The following EMSY variants were observed in gnomAD, a reference collection of about 807,000 sequenced individuals.
EMSY encodes the protein BRCA2-interacting transcriptional repressor EMSY.
EMSY carries 26 observed loss-of-function variants against 134.6 expected under a neutral mutation model. The observed-to-expected ratio is 0.19, with a 90% CI of 0.14 to 0.27. The LOEUF (loss-of-function observed/expected upper bound fraction) is 0.27, where lower values mean the gene tolerates loss of function less well. EMSY is among the 10% of genes least tolerant of loss of function. The pLI is 1.00. For missense variants in EMSY, 1,305 were observed against 1,611.4 expected (o/e 0.81, Z 3.26); for synonymous variants, 579 against 577.8 (o/e 1.00, Z -0.03).
chr11:76,545,872 A>G (rs1951627857), exon 20 of EMSY: 1 of 1,614,214 alleles, frequency 6.2e-7, no homozygotes, highest in Non-Finnish European at 8.5e-7. Flanking sequence ...TCCCACAGTT[A>G]CAAAGATAAC....
intron 14 of EMSY, among the ~76,000 whole-genome samples, chr11:76,530,791 G>A (rs1202501704): frequency 6.6e-6 from 1 of 152,176 alleles, no homozygotes; most frequent in Non-Finnish European, 1.5e-5. Context: ...GGATTAAGAT[G>A]TTGGTTGGTC....
chr11:76,485,801 T>C (rs1218090496), intron 8 of EMSY, among the ~76,000 whole-genome samples: 1 of 152,158 alleles, frequency 6.6e-6, no homozygotes, highest in East Asian at 1.9e-4. Flanking sequence ...ACACTGTTGG[T>C]GGGAGTATAA....
At chr11:76,525,939 T>C (rs1010860639) in intron 12 of EMSY, among the ~76,000 whole-genome samples, 2 of 152,198 alleles carry the variant, frequency 1.3e-5, no homozygotes, top group African/African-American at 4.8e-5. Flanking sequence ...GACATTCTAC[T>C]ATATATCCTT....
upstream of EMSY, chr11:76,445,019 T>G (rs548951974): frequency 6.5e-6 from 1 of 153,100 alleles, no homozygotes; most frequent in East Asian, 1.9e-4. Flanking sequence ...CTGCGCCCTG[T>G]TACCTGTCGC....
chr11:76,526,337 A>G, intron 12 of EMSY, 125 bp from the exon 14 acceptor site: 2 of 597,832 alleles, frequency 3.3e-6, no homozygotes, highest in Non-Finnish European at 5.2e-6. Context: ...GAAACATTAT[A>G]CTTTGTTACA....
At chr11:76,514,452 A>T (rs1471311825) in intron 10 of EMSY, among the ~76,000 whole-genome samples, 1 of 152,154 alleles carries the variant, frequency 6.6e-6, no homozygotes, top group Non-Finnish European at 1.5e-5. Context: ...CATTACAGAC[A>T]TTGCACTTCA....
chr11:76,453,234 A>C, intron 3 of EMSY, 80 bp from the exon 4 acceptor site: 4 of 1,332,454 alleles, frequency 3.0e-6, no homozygotes, highest in Non-Finnish European at 4.2e-6. Flanking sequence ...CCCCCCAAAA[A>C]TGTTGACTTA....
intron 18 of EMSY, 58 bp downstream of exon 19, chr11:76,542,425 T>G: frequency 6.4e-7 from 1 of 1,555,776 alleles, no homozygotes; most frequent in Non-Finnish European, 8.9e-7. Context: ...GAAATAAGAT[T>G]CAGTGTCATC....
intron 3 of EMSY, 125 bp downstream of exon 3, chr11:76,452,082 G>T: frequency 1.8e-6 from 1 of 543,092 alleles, no homozygotes. Flanking sequence ...AATTGTTGGT[G>T]CTAAGAGACT....
intron 2 of EMSY, among the ~76,000 whole-genome samples, chr11:76,448,422 A>C (rs1173164184): frequency 6.6e-6 from 1 of 152,114 alleles, no homozygotes; most frequent in Non-Finnish European, 1.5e-5. Flanking sequence ...GCCGATTATA[A>C]AGTTGGACTC....
At chr11:76,498,989 T>C (rs975121042) in intron 9 of EMSY, among the ~76,000 whole-genome samples, 40 of 152,232 alleles carry the variant, frequency 2.6e-4, no homozygotes, top group Admixed American at 2.4e-3. Context: ...TGAGACGGAG[T>C]CTCGCTTTGT....
intron 11 of EMSY, among the ~76,000 whole-genome samples, chr11:76,518,684 C>CAT (rs796392038): frequency 0.013 from 1,598 of 121,606 alleles, 26 homozygotes; most frequent in African/African-American, 0.036. Context: ...TGTGTGCGCG[C>CAT]ATATATATAT....
chr11:76,515,260 T>G (rs1950412101), intron 10 of EMSY, among the ~76,000 whole-genome samples: 1 of 151,954 alleles, frequency 6.6e-6, no homozygotes, highest in African/African-American at 2.4e-5. Context: ...GTCCGTGAAT[T>G]TGATTATCAT....
At chr11:76,459,876 G>T in intron 5 of EMSY, 57 bp from the exon 7 acceptor site, 1 of 1,577,646 alleles carries the variant, frequency 6.3e-7, no homozygotes, top group Non-Finnish European at 8.6e-7. Context: ...TAATTTTTTT[G>T]TATGCCTGGA....
intron 6 of EMSY, 41 bp downstream of exon 7, chr11:76,460,126 A>G: frequency 6.2e-7 from 1 of 1,605,292 alleles, no homozygotes; most frequent in Non-Finnish European, 8.5e-7. Context: ...TTCTTGGCTA[A>G]ATGCTGCAGT....
intron 12 of EMSY, among the ~76,000 whole-genome samples, chr11:76,525,870 A>C (rs910093953): frequency 6.6e-6 from 1 of 152,074 alleles, no homozygotes; most frequent in Non-Finnish European, 1.5e-5. Context: ...TCCTATATAT[A>C]ACCTTAGAAA....
intron 14 of EMSY, among the ~76,000 whole-genome samples, chr11:76,531,758 A>T (rs1013639979): frequency 5.9e-5 from 9 of 152,150 alleles, no homozygotes; most frequent in Non-Finnish European, 1.0e-4. Flanking sequence ...TCCGAAGTTC[A>T]TTATTCTTTG....
intron 9 of EMSY, among the ~76,000 whole-genome samples, chr11:76,498,678 A>G (rs1188584129): frequency 6.6e-6 from 1 of 152,186 alleles, no homozygotes; most frequent in African/African-American, 2.4e-5. Flanking sequence ...TTTAACTTGT[A>G]AAGTCTGCCA....
chr11:76,521,284 G>C (rs1366692163), intron 11 of EMSY, among the ~76,000 whole-genome samples: 1 of 152,046 alleles, frequency 6.6e-6, no homozygotes, highest in African/African-American at 2.4e-5. Flanking sequence ...GGGAAAGTTA[G>C]AACTGGGAAT....
Sources: allele counts gnomAD v4.1 joint callset (sites outside exome capture counted in the v4.1 genomes callset), GRCh38; gene constraint gnomAD v4.1.1; transcripts MANE v1.5; gene names NCBI Gene and HGNC (gene_info 2026-07-23, HGNC 2026-07-21).